HPSE2: variants seen among roughly 807,000 people sequenced by gnomAD.
HPSE2 encodes the protein inactive heparanase-2.
Under a neutral mutation model 60.5 loss-of-function variants are expected in HPSE2, and 38 were observed. That is an observed-to-expected ratio of 0.63 (90% CI 0.48 to 0.82). The LOEUF (loss-of-function observed/expected upper bound fraction) is 0.82, where lower values mean the gene tolerates loss of function less well. Among genes scored for constraint, HPSE2 ranks in the 40% least tolerant of loss-of-function variants. HPSE2 has a pLI of 0.00. For synonymous variants in HPSE2, 295 were observed against 293.2 expected (o/e 1.01, Z -0.06); for missense variants, 713 against 740.4 (o/e 0.96, Z 0.43).
chr10:98,573,999 T>G (rs1944572995), intron 9 of HPSE2, among the ~76,000 whole-genome samples: 1 of 152,184 alleles, frequency 6.6e-6, no homozygotes, highest in Admixed American at 6.6e-5. Context: ...TAGAATATTT[T>G]TTACCCCAAA....
At chr10:98,658,965 T>C (rs1256893734) in intron 6 of HPSE2, among the ~76,000 whole-genome samples, 1 of 151,456 alleles carries the variant, frequency 6.6e-6, no homozygotes, top group Non-Finnish European at 1.5e-5. Flanking sequence ...AAATTAACCA[T>C]TTTAAAGTGC....
At position 98,703,018 on chromosome 10, in the gene HPSE2, A is replaced by T. The variant is rs185190591; in HGVS notation, c.957-9071T>A. On this transcript the variant is annotated intron_variant, in intron 5 of 11. Transcript: ENST00000370552. Reference sequence around the variant, plus strand: ...AGGAGCTGGTTTTTAGTAAAAATTAACAAAATAGATAGACTGCTAACTAGA... The same window carrying T: ...AGGAGCTGGTTTTTAGTAAAAATTATCAAAATAGATAGACTGCTAACTAGA... Among the ~76,000 whole-genome samples, 718 of 152,282 alleles carry T rather than the reference A, an allele frequency of 4.7e-3. 7 individuals carry two copies. Among genetic ancestry groups the T allele is most frequent in the Non-Finnish European group, 6.9e-3 (472 of 68,020 alleles).
At chr10:98,663,576 G>A (rs1565059921) in intron 6 of HPSE2, among the ~76,000 whole-genome samples, 1 of 152,120 alleles carries the variant, frequency 6.6e-6, no homozygotes, top group South Asian at 2.1e-4. Context: ...CTGAGGAGCC[G>A]CCTGCCCTGG....
chr10:98,578,948 T>C (rs1259780065), intron 9 of HPSE2, among the ~76,000 whole-genome samples: 2 of 152,206 alleles, frequency 1.3e-5, no homozygotes, highest in Non-Finnish European at 2.9e-5. Flanking sequence ...CAATCTGAGC[T>C]GAGAGCCATT....
chr10:98,518,994 C>G (rs971138056), intron 9 of HPSE2, among the ~76,000 whole-genome samples: 1 of 151,954 alleles, frequency 6.6e-6, no homozygotes. Context: ...GGATAAAGTA[C>G]CAATGGGGGA....
At chr10:98,467,153 C>T (rs900872343) in intron 11 of HPSE2, among the ~76,000 whole-genome samples, 4 of 152,152 alleles carry the variant, frequency 2.6e-5, no homozygotes, top group Admixed American at 6.5e-5. Context: ...GTCAGGGGTG[C>T]TCCCACAGGA....
intron 3 of HPSE2, among the ~76,000 whole-genome samples, chr10:98,759,721 G>A (rs751938220): frequency 6.6e-6 from 1 of 151,904 alleles, no homozygotes; most frequent in African/African-American, 2.4e-5. Flanking sequence ...TGAAATCAGA[G>A]AGTATGATGC....
upstream of HPSE2, among the ~76,000 whole-genome samples, chr10:99,238,062 G>A (rs1177172590): frequency 6.6e-6 from 1 of 152,064 alleles, no homozygotes; most frequent in Non-Finnish European, 1.5e-5. Context: ...ACATTTTCCT[G>A]GCCATCTCCT....
chr10:99,295,436 C>A, the HPSE2 span, among the ~76,000 whole-genome samples: 1 of 152,064 alleles, frequency 6.6e-6, no homozygotes, highest in African/African-American at 2.4e-5. Context: ...TTTGGAAATG[C>A]TTATGTTGTA....
At chr10:99,119,807 C>G (rs1395832822) in intron 3 of HPSE2, among the ~76,000 whole-genome samples, 1 of 152,164 alleles carries the variant, frequency 6.6e-6, no homozygotes, top group Admixed American at 6.5e-5. Flanking sequence ...CTAAAACCAT[C>G]TGATCTTTGA....
intron 9 of HPSE2, among the ~76,000 whole-genome samples, chr10:98,523,494 A>G (rs1387323576): frequency 6.6e-6 from 1 of 152,382 alleles, no homozygotes; most frequent in African/African-American, 2.4e-5. Flanking sequence ...GTCCAATTTC[A>G]GAAAACTGCA....
intron 2 of HPSE2, among the ~76,000 whole-genome samples, chr10:99,206,722 T>C (rs1000390966): frequency 2.0e-5 from 3 of 151,932 alleles, no homozygotes; most frequent in African/African-American, 7.3e-5. Context: ...AAATTATCTT[T>C]TAAAATTAAA....
chr10:98,624,242 C>G (rs483952), intron 7 of HPSE2, among the ~76,000 whole-genome samples: 24,360 of 152,004 alleles, frequency 0.16, 2,479 homozygotes, highest in Admixed American at 0.23. Flanking sequence ...CAGAGTAACA[C>G]GGTAGAGAGC....
intron 6 of HPSE2, among the ~76,000 whole-genome samples, chr10:98,658,147 C>T (rs529697589): frequency 6.4e-4 from 97 of 152,086 alleles, no homozygotes; most frequent in African/African-American, 2.3e-3. Context: ...AAGTATGGGC[C>T]TAAACGATAC....
chr10:98,512,292 C>T (rs111671233), intron 9 of HPSE2, among the ~76,000 whole-genome samples: 3,993 of 152,268 alleles, frequency 0.026, 84 homozygotes, highest in Middle Eastern at 0.051. Context: ...TTAAAATTGT[C>T]GAATGGTGGC....
At chr10:99,147,763 G>A (rs1043276067) in intron 2 of HPSE2, among the ~76,000 whole-genome samples, 1 of 152,024 alleles carries the variant, frequency 6.6e-6, no homozygotes, top group African/African-American at 2.4e-5. Context: ...TTGTATCAAT[G>A]ACTAGATAAA....
At chr10:99,203,318 C>G (rs2133889776) in intron 2 of HPSE2, among the ~76,000 whole-genome samples, 2 of 152,198 alleles carry the variant, frequency 1.3e-5, no homozygotes, top group South Asian at 4.1e-4. Context: ...CGAGCCAGCA[C>G]CCTCAAACCC....
intron 9 of HPSE2, among the ~76,000 whole-genome samples, chr10:98,531,664 C>T (rs780986534): frequency 2.6e-5 from 4 of 152,226 alleles, no homozygotes; most frequent in African/African-American, 9.6e-5. Flanking sequence ...ATCTTTCCCA[C>T]ATGTCAGCCT....
Position 98,721,747 on chromosome 10 carries a change from AG to A in HPSE2, c.865del (p.Leu289CysfsTer29). 6.2e-7 allele frequency: 1 copy of A among 1,613,772 alleles called. No homozygotes were observed. The highest frequency in any genetic ancestry group is 8.5e-7 in the Non-Finnish European group (1 of 1,179,854). ...GGAATAAATCCGGATGGGCTGCAACAGGCTCTTCAGCTGGATGTAATCCTTT... is the reference window on the plus strand; with the variant it reads ...GGAATAAATCCGGATGGGCTGCAACAGCTCTTCAGCTGGATGTAATCCTTT... The part of the protein sequence containing the change: ...LGKDYIQLKS[L>X]LQPIRIYSRA... On this transcript the variant is annotated frameshift_variant, in exon 5 of 12. Transcript: ENST00000370552. LOFTEE classifies it high-confidence loss of function.
Sources: allele counts gnomAD v4.1 joint callset (sites outside exome capture counted in the v4.1 genomes callset), GRCh38; gene constraint gnomAD v4.1.1; transcripts MANE v1.5; gene names NCBI Gene and HGNC (gene_info 2026-07-23, HGNC 2026-07-21).